CCDC80: variants seen among roughly 807,000 people sequenced by gnomAD.
CCDC80 encodes coiled-coil domain containing 80, also known as coiled-coil domain-containing protein 80.
Under a neutral mutation model 78.7 loss-of-function variants are expected in CCDC80, and 49 were observed. That is an observed-to-expected ratio of 0.62 (90% CI 0.50 to 0.79). The LOEUF is 0.79. Among genes scored for constraint, CCDC80 ranks in the 30% least tolerant of loss-of-function variants. CCDC80 has a pLI of 0.00. For synonymous variants in CCDC80, 488 were observed against 447.0 expected, an observed-to-expected ratio of 1.09 and a Z score of -1.16; for missense variants, 1,205 against 1,198.6, an observed-to-expected ratio of 1.01 and a Z score of -0.08.
chr3:112,618,153 T>G (rs34350035), intron 4 of CCDC80, among the ~76,000 whole-genome samples: 3 of 152,374 alleles, frequency 2.0e-5, no homozygotes, highest in South Asian at 2.1e-4. Context: ...TTTGTTATTG[T>G]TATTATTACA....
At position 112,599,619 on chromosome 3, in the gene CCDC80, C is replaced by T. The variant is rs889586116; in HGVS notation, c.*5798G>A. On this transcript the variant is annotated 3_prime_UTR_variant, in exon 8 of 8. Transcript: ENST00000206423. The stretch of plus-strand genomic sequence containing the variant: ...AATCTCCACACATTCAGTACTGAGA[C>T]ACATTAAGAAGGGCCCACTGAGGCC... The T allele has an allele frequency of 6.6e-6, 1 of 152,242 alleles. No individual in the cohort carries two copies. The highest frequency in any genetic ancestry group is 1.5e-5 in the Non-Finnish European group (1 of 68,080). 9.4% of individuals were successfully genotyped at this position (152,242 alleles called of 1,614,324 possible).
chr3:112,605,981 C>T (rs755363801), intron 7 of CCDC80, among the ~76,000 whole-genome samples: 26 of 152,290 alleles, frequency 1.7e-4, no homozygotes, highest in Non-Finnish European at 2.9e-4. Flanking sequence ...TTGGGGCACT[C>T]GATGTGTCTT....
chr3:112,616,758 A>G lies in CCDC80; in HGVS notation c.2273T>C (p.Ile758Thr), dbSNP rs1459130679. The change falls in exon 5 of 8, where the codon ATT (isoleucine) becomes ACT (threonine). Residue 758 changes from isoleucine to threonine, a missense_variant. Ile to Thr is a moderately conservative substitution (Grantham distance 89). Transcript: ENST00000206423. ...CTGCTTTTTGTCCTCTTTGCAAACA[A>G]TGCCCTCCTTCTTCTGCTTCTCCAT... is the stretch of plus-strand genomic sequence containing the variant. Reference protein sequence around the residue: ...KDMEKQKKEGIVCKEDKKQSL... With the variant: ...KDMEKQKKEGTVCKEDKKQSL... 1.2e-6 allele frequency: 2 copies of G among 1,614,176 alleles called. No homozygotes were observed. Among genetic ancestry groups the G allele is most frequent in the African/African-American group, 1.3e-5 (1 of 75,052 alleles).
chr3:112,628,365 C>T (rs1936023464), intron 3 of CCDC80, among the ~76,000 whole-genome samples: 1 of 152,122 alleles, frequency 6.6e-6, no homozygotes, highest in Non-Finnish European at 1.5e-5. Flanking sequence ...TGTCAACATT[C>T]TGTAATCAGC....
chr3:112,622,822 ATTTTTTTTTTTTTT>A (rs373170477), intron 3 of CCDC80, among the ~76,000 whole-genome samples: 13 of 118,884 alleles, frequency 1.1e-4, no homozygotes, highest in African/African-American at 1.0e-4. Flanking sequence ...TGCCCAGCTA[ATTTTTTTTTTTTTT>A]TTTTTTTTTT....
chr3:112,625,675 A>G (rs1224262116), intron 3 of CCDC80, among the ~76,000 whole-genome samples: 1 of 152,148 alleles, frequency 6.6e-6, no homozygotes, highest in East Asian at 1.9e-4. Flanking sequence ...TATTTTGTAT[A>G]AAAAGAAAAA....
In CCDC80 at chr3:112,630,228, T is replaced by C. The variant is rs755249283; in HGVS notation, c.1920A>G (p.Gln640=). ...APKAENNMYV[Q]QRDEYLESFC... is the part of the protein sequence containing the mutation. ...AACTTTCCAGATATTCATCACGTTG[T>C]TGCACATACATATTGTTCTCAGCCT... is the stretch of plus-strand genomic sequence containing the variant. The change falls in exon 3 of 8, where the codon CAA becomes CAG. Residue 640 remains glutamine, a synonymous_variant. Coordinates refer to ENST00000206423, the MANE Select transcript of CCDC80 (RefSeq NM_199511.3). 5 of 1,613,918 alleles carry C rather than the reference T, an allele frequency of 3.1e-6. No homozygotes were observed. The East Asian group carries it at 1.1e-4, about 36-fold the overall frequency.
At chr3:112,613,067 T>C (rs1935664551) in intron 5 of CCDC80, among the ~76,000 whole-genome samples, 1 of 152,156 alleles carries the variant, frequency 6.6e-6, no homozygotes, top group South Asian at 2.1e-4. Flanking sequence ...TAGTATTGAA[T>C]GTACCCTTCA....
rs1247256664 is a variant in CCDC80 at position 112,604,934 on chromosome 3, T to G, written c.*483A>C. On this transcript the variant is annotated 3_prime_UTR_variant, in exon 8 of 8. Transcript: ENST00000206423. ...GAAACTCATACAAAGCAGAGATATCTTAATTATTTTCAGACTGGCATTTCA... is the reference window on the plus strand; with the variant it reads ...GAAACTCATACAAAGCAGAGATATCGTAATTATTTTCAGACTGGCATTTCA... 6.6e-6 allele frequency: 1 copy of G among 152,238 alleles called. No homozygotes were observed. Among genetic ancestry groups the G allele is most frequent in the Non-Finnish European group, 1.5e-5 (1 of 68,104 alleles). The allele number at this position is 152,238 out of a possible 1,614,324, so 9.4% of individuals were successfully genotyped here. A position where few individuals can be genotyped will look rare whatever the true frequency, so the allele number is the denominator to read the frequency against.
chr3:112,608,067 G>C (rs1935549809), intron 6 of CCDC80, among the ~76,000 whole-genome samples: 2 of 152,208 alleles, frequency 1.3e-5, no homozygotes. Context: ...TAAAGTTTCA[G>C]GACAGGAGGG....
At chr3:112,617,019 C>T (rs1028888798) in intron 4 of CCDC80, among the ~76,000 whole-genome samples, 161 bp from the exon 5 acceptor site, 1 of 152,130 alleles carries the variant, frequency 6.6e-6, no homozygotes, top group African/African-American at 2.4e-5. Flanking sequence ...GCAATAGTAC[C>T]CTTTGCTGAT....
chr3:112,619,536 C>G (rs1263328496), intron 3 of CCDC80, among the ~76,000 whole-genome samples: 1 of 152,144 alleles, frequency 6.6e-6, no homozygotes, highest in Non-Finnish European at 1.5e-5. Context: ...GTCTGTTCCT[C>G]TTTTTTGGTA....
At chr3:112,607,645 G>A (rs1195711799) in intron 6 of CCDC80, among the ~76,000 whole-genome samples, 1 of 152,152 alleles carries the variant, frequency 6.6e-6, no homozygotes, top group African/African-American at 2.4e-5. Flanking sequence ...AATCAGCTGG[G>A]TGTGGTGGCA....
intron 4 of CCDC80, 114 bp from the exon 5 acceptor site, chr3:112,616,972 G>T (rs1462214209): frequency 2.0e-6 from 2 of 1,023,188 alleles, no homozygotes; most frequent in East Asian, 5.0e-5. Flanking sequence ...TTTGAAATCA[G>T]AGCCTAGAAG....
intron 3 of CCDC80, among the ~76,000 whole-genome samples, chr3:112,623,304 C>T (rs1449465631): frequency 1.3e-5 from 2 of 152,192 alleles, no homozygotes. Flanking sequence ...TCAGTTATAA[C>T]ATATTAAACA....
Position 112,638,758 on chromosome 3 carries a change from G to A in CCDC80, c.1148C>T (p.Thr383Ile). ...TGAGGGGGTCCAGGGCCTCTGCGTG[G>A]TGGGAAAGGCAGTGGTGGTCATAGG... Reference protein sequence around the residue: ...ARPMTTTAFPTTQRPWTPSPS... With the variant: ...ARPMTTTAFPITQRPWTPSPS... Residue 383 changes from threonine (T) to isoleucine (I), a missense_variant, in exon 2 of 8, where the codon ACC (threonine) becomes ATC (isoleucine). Physicochemically the swap from Thr to Ile is moderately conservative, Grantham distance 89 (BLOSUM62 -1). Transcript: ENST00000206423. The A allele has an allele frequency of 6.2e-7, 1 of 1,613,924 alleles. No homozygotes were observed. Among genetic ancestry groups the A allele is most frequent in the Admixed American group, 1.7e-5 (1 of 60,026 alleles).
chr3:112,607,569 G>C (rs900920742), intron 6 of CCDC80, among the ~76,000 whole-genome samples: 13 of 152,052 alleles, frequency 8.5e-5, no homozygotes, highest in African/African-American at 3.1e-4. Flanking sequence ...GGCAGATCAC[G>C]AGGTCAGGAG....
chr3:112,605,914 C>CT lies in CCDC80; in HGVS notation c.2507-152dup, dbSNP rs1403529599. On this transcript the variant is annotated intron_variant, in intron 7 of 7. Transcript: ENST00000206423. ...ATCTAATTAAAGAAGTTTGCTGGGG[C>CT]TTTTTCTACTAGAAATTAAATGTCC... 4.4e-6 allele frequency: 3 copies of CT among 678,936 alleles called. No homozygotes were observed. The Admixed American group carries it at 9.4e-5, about 21-fold the overall frequency. The allele number at this position is 678,936 out of a possible 1,614,324, so 42.1% of individuals were successfully genotyped here.
Position 112,602,279 on chromosome 3 carries a change from C to T in CCDC80, c.*3138G>A, listed in dbSNP as rs1038650015. 4 of 152,220 alleles carry T rather than the reference C, an allele frequency of 2.6e-5. No individual in the cohort carries two copies. Among genetic ancestry groups the T allele is most frequent in the Non-Finnish European group, 5.9e-5 (4 of 68,048 alleles). 9.4% of individuals were successfully genotyped at this position (152,220 alleles called of 1,614,324 possible). ...AACAACCAACCTTTCTCCAATCTTT[C>T]TCCTTCTTCTCAGGCCTCCTTAGTC... On this transcript the variant is annotated 3_prime_UTR_variant, in exon 8 of 8. Transcript: ENST00000206423.
Sources: gnomAD v4.1 joint callset for allele counts (sites outside exome capture counted in the v4.1 genomes callset) on GRCh38, gnomAD v4.1.1 for gene constraint, MANE v1.5 for transcripts, NCBI Gene and HGNC (gene_info 2026-07-23, HGNC 2026-07-21) for gene names.